DLG2: variants seen among roughly 807,000 people sequenced by gnomAD.
DLG2 encodes the protein disks large homolog 2.
Under a neutral mutation model 132.5 loss-of-function variants are expected in DLG2, and 45 were observed. That is an observed-to-expected ratio of 0.34 (90% CI 0.27 to 0.44). DLG2 has a LOEUF of 0.44. DLG2 is among the 20% of genes least tolerant of loss of function. The pLI is 1.00. For synonymous variants in DLG2, 424 were observed against 419.6 expected (o/e 1.01, Z -0.13); for missense variants, 1,045 against 1,196.9 (o/e 0.87, Z 1.87).
At chr11:84,545,442 T>C in intron 6 of DLG2, 1 of 446,562 alleles carries the variant, frequency 2.2e-6, no homozygotes, top group Admixed American at 2.6e-5. Flanking sequence ...TCCTCCACAA[T>C]CATAGTTCAT....
chr11:83,869,193 A>C (rs955405125), intron 16 of DLG2, among the ~76,000 whole-genome samples: 1 of 152,182 alleles, frequency 6.6e-6, no homozygotes, highest in African/African-American at 2.4e-5. Context: ...TTTTCGGATC[A>C]CATTCTGCCA....
intron 18 of DLG2, among the ~76,000 whole-genome samples, chr11:83,769,861 C>T (rs551664758): frequency 6.6e-5 from 10 of 152,094 alleles, no homozygotes; most frequent in South Asian, 4.2e-4. Context: ...CACTGTGCCC[C>T]GCCTACCTTG....
intron 9 of DLG2, among the ~76,000 whole-genome samples, chr11:84,119,609 A>G (rs1372877050): frequency 1.3e-5 from 2 of 152,102 alleles, no homozygotes. Context: ...AAGAAGTTAT[A>G]CAGAAAAAAG....
At chr11:84,897,943 A>G (rs2090414394) in intron 6 of DLG2, among the ~76,000 whole-genome samples, 1 of 151,878 alleles carries the variant, frequency 6.6e-6, no homozygotes, top group African/African-American at 2.4e-5. Context: ...GCTCCTATAA[A>G]AAAGACTGAA....
intron 18 of DLG2, among the ~76,000 whole-genome samples, chr11:83,685,953 A>G (rs569378408): frequency 1.3e-5 from 2 of 151,764 alleles, no homozygotes; most frequent in Non-Finnish European, 2.9e-5. Flanking sequence ...CTTACACCCC[A>G]TGCCTTATTC....
At chr11:83,673,246 A>G (rs772199172) in intron 18 of DLG2, among the ~76,000 whole-genome samples, 1 of 152,170 alleles carries the variant, frequency 6.6e-6, no homozygotes, top group African/African-American at 2.4e-5. Flanking sequence ...TAAAAAAGCA[A>G]TATTTGCCAC....
intron 6 of DLG2, among the ~76,000 whole-genome samples, chr11:84,753,238 A>G (rs963361936): frequency 4.6e-5 from 7 of 152,182 alleles, no homozygotes; most frequent in African/African-American, 1.7e-4. Context: ...AAGCTTTTGA[A>G]GCCAATTTCC....
At chr11:84,029,408 A>G (rs1234345727) in intron 11 of DLG2, among the ~76,000 whole-genome samples, 1 of 151,880 alleles carries the variant, frequency 6.6e-6, no homozygotes, top group African/African-American at 2.4e-5. Context: ...TGAAATTCAC[A>G]CTCTTTGCAG....
At chr11:85,013,712 T>C in intron 6 of DLG2, among the ~76,000 whole-genome samples, 1 of 152,264 alleles carries the variant, frequency 6.6e-6, no homozygotes, top group East Asian at 1.9e-4. Flanking sequence ...GAAAATAAGT[T>C]AAGTTACTAA....
At chr11:84,496,478 T>C (rs998918243) in intron 7 of DLG2, among the ~76,000 whole-genome samples, 9 of 152,164 alleles carry the variant, frequency 5.9e-5, no homozygotes, top group African/African-American at 1.9e-4. Flanking sequence ...ATCATAACTT[T>C]TATGGTGTGC....
chr11:84,092,971 G>A (rs1184097089), intron 10 of DLG2, among the ~76,000 whole-genome samples: 1 of 151,632 alleles, frequency 6.6e-6, no homozygotes, highest in Non-Finnish European at 1.5e-5. Context: ...AGAAGGCGGA[G>A]GTGGCAGTGA....
rs2082085385 is a variant in DLG2, at chr11:85,627,270, T to C, written c.-312A>G. On this transcript the variant is annotated 5_prime_UTR_variant, in exon 1 of 28. Transcript: ENST00000376104. The stretch of plus-strand genomic sequence containing the variant: ...CTGTCCCTTTCATTTTTTTCTTCTG[T>C]GCTCTCCAAGCCCCCAGGCTTGATC... 1 of 152,174 alleles carries C rather than the reference T, an allele frequency of 6.6e-6. No homozygotes were observed. The highest frequency in any genetic ancestry group is 2.1e-4 in the South Asian group (1 of 4,826). 9.4% of individuals were successfully genotyped at this position (152,174 alleles called of 1,614,324 possible).
At chr11:84,591,223 C>CTCTGTGTGTGTG (rs1555073566) in intron 6 of DLG2, among the ~76,000 whole-genome samples, 4,527 of 139,202 alleles carry the variant, frequency 0.033, 214 homozygotes, top group African/African-American at 0.1. Context: ...ATGTGTCTCT[C>CTCTGTGTGTGTG]TGTGTGTGTG....
intron 6 of DLG2, among the ~76,000 whole-genome samples, chr11:84,693,846 T>C (rs1457719403): frequency 6.6e-6 from 1 of 151,742 alleles, no homozygotes; most frequent in African/African-American, 2.4e-5. Context: ...TCTTGACTAC[T>C]ACTCATCTGG....
intron 7 of DLG2, among the ~76,000 whole-genome samples, chr11:84,386,629 A>T (rs2154436482): frequency 6.6e-6 from 1 of 152,254 alleles, no homozygotes; most frequent in African/African-American, 2.4e-5. Context: ...AATGGCCATC[A>T]TATTATAATT....
intron 6 of DLG2, among the ~76,000 whole-genome samples, chr11:84,636,822 T>A (rs2099641314): frequency 6.6e-6 from 1 of 151,520 alleles, no homozygotes; most frequent in East Asian, 1.9e-4. Context: ...GCTCTTGTCA[T>A]CCAGACTGGA....
At chr11:83,676,406 A>G (rs1235821311) in intron 18 of DLG2, among the ~76,000 whole-genome samples, 1 of 152,188 alleles carries the variant, frequency 6.6e-6, no homozygotes, top group Non-Finnish European at 1.5e-5. Context: ...TGTACTTTTA[A>G]GTTATAATCA....
chr11:85,509,737 G>A (rs1183341549), intron 3 of DLG2, among the ~76,000 whole-genome samples: 4 of 152,014 alleles, frequency 2.6e-5, no homozygotes, highest in Non-Finnish European at 4.4e-5. Flanking sequence ...CATAGTGAAC[G>A]AAAATACTGG....
intron 3 of DLG2, among the ~76,000 whole-genome samples, chr11:85,403,744 G>C (rs972252403): frequency 5.3e-5 from 8 of 151,892 alleles, no homozygotes; most frequent in Non-Finnish European, 8.8e-5. Context: ...CTTTGTTATG[G>C]GGGAAGATGC....
Sources: allele counts gnomAD v4.1 joint callset (sites outside exome capture counted in the v4.1 genomes callset), GRCh38; gene constraint gnomAD v4.1.1; transcripts MANE v1.5; gene names NCBI Gene and HGNC (gene_info 2026-07-23, HGNC 2026-07-21).